Variants in TPH2 observed in about 807,000 individuals in gnomAD.
TPH2 encodes the protein tryptophan 5-hydroxylase 2.
TPH2 carries 27 observed loss-of-function variants against 59.1 expected under a neutral mutation model. That is an observed-to-expected ratio of 0.46 (90% CI 0.34 to 0.63). The LOEUF (loss-of-function observed/expected upper bound fraction) is 0.63. Among genes scored for constraint, TPH2 ranks in the 30% least tolerant of loss-of-function variants. The pLI is 0.01. For missense variants in TPH2, 523 were observed against 588.3 expected (o/e 0.89, Z 1.15); for synonymous variants, 220 against 210.5 (o/e 1.05, Z -0.39).
At chr12:71,971,360 A>G (rs901254551) in intron 5 of TPH2, among the ~76,000 whole-genome samples, 2 of 152,188 alleles carry the variant, frequency 1.3e-5, no homozygotes, top group Non-Finnish European at 2.9e-5. Flanking sequence ...CAGGGTGGGA[A>G]GTGAGGGCGT....
At chr12:71,994,058 G>A (rs1367541849) in intron 7 of TPH2, among the ~76,000 whole-genome samples, 1 of 152,166 alleles carries the variant, frequency 6.6e-6, no homozygotes, top group Non-Finnish European at 1.5e-5. Context: ...TTTGGACCAT[G>A]GCTGTTGTTT....
At chr12:71,981,461 A>G (rs546034699) in intron 7 of TPH2, among the ~76,000 whole-genome samples, 4 of 152,284 alleles carry the variant, frequency 2.6e-5, no homozygotes, top group African/African-American at 9.6e-5. Flanking sequence ...AAAACCAGCT[A>G]GGGAGCTCAC....
chr12:71,979,491 C>T (rs1293659266), intron 7 of TPH2, among the ~76,000 whole-genome samples: 2 of 152,214 alleles, frequency 1.3e-5, no homozygotes, highest in Non-Finnish European at 2.9e-5. Context: ...TACTAATCCC[C>T]TCTCATCTCT....
chr12:72,010,859 A>G (rs989558080), intron 8 of TPH2, among the ~76,000 whole-genome samples: 1 of 152,208 alleles, frequency 6.6e-6, no homozygotes, highest in African/African-American at 2.4e-5. Context: ...AGAACATTTT[A>G]GGGCATGCCA....
chr12:71,954,681 A>G (rs1207066821), intron 5 of TPH2, among the ~76,000 whole-genome samples: 1 of 152,194 alleles, frequency 6.6e-6, no homozygotes, highest in Non-Finnish European at 1.5e-5. Context: ...GAATCTCAGC[A>G]TTAACATTGC....
chr12:71,999,154 A>G (rs1212833094), intron 8 of TPH2, among the ~76,000 whole-genome samples: 1 of 152,218 alleles, frequency 6.6e-6, no homozygotes. Flanking sequence ...CCGAGGTACT[A>G]GACTATATTG....
rs1280958204 is a variant in TPH2, at chr12:72,014,513, C to T, written c.1069-7886C>T. The stretch of plus-strand genomic sequence containing the variant: ...TCAAGTGATTCTCCTGCCTCAGCCT[C>T]CAGAGTAGCTGGGATTACAGGCGCC... On this transcript the variant is annotated intron_variant, in intron 8 of 10. Transcript: ENST00000333850. Among the ~76,000 whole-genome samples, 3 of 151,590 alleles carry T rather than the reference C, an allele frequency of 2.0e-5. No individual in the cohort carries two copies. The East Asian group carries it at 5.8e-4, about 29-fold the overall frequency.
At chr12:71,992,840 A>G (rs1366191642) in intron 7 of TPH2, among the ~76,000 whole-genome samples, 1 of 152,030 alleles carries the variant, frequency 6.6e-6, no homozygotes, top group African/African-American at 2.4e-5. Context: ...TCTCTTCTTT[A>G]TTTTTCATTT....
At chr12:71,972,051 G>C (rs1489258745) in intron 5 of TPH2, among the ~76,000 whole-genome samples, 1 of 152,178 alleles carries the variant, frequency 6.6e-6, no homozygotes, top group Non-Finnish European at 1.5e-5. Flanking sequence ...TTTGGACACT[G>C]AACAAATAAT....
intron 7 of TPH2, among the ~76,000 whole-genome samples, chr12:71,991,175 A>G (rs1223349321): frequency 6.6e-6 from 1 of 152,104 alleles, no homozygotes; most frequent in Non-Finnish European, 1.5e-5. Context: ...ATGTCTTTGG[A>G]TCTCTAGTAT....
intron 7 of TPH2, among the ~76,000 whole-genome samples, chr12:71,988,478 C>T (rs1411860925): frequency 6.6e-6 from 1 of 152,174 alleles, no homozygotes; most frequent in African/African-American, 2.4e-5. Flanking sequence ...GAACACTTCA[C>T]ATGGCGAAGG....
rs1233881192 is a variant in TPH2 at position 71,980,385 on chromosome 12, TTAAG to T, written c.941+1301_941+1304del. 1.3e-4 allele frequency among the ~76,000 whole-genome samples: 20 copies of T among 152,180 alleles called. 1 individual carries two copies. The highest frequency in any genetic ancestry group is 2.5e-4 in the Non-Finnish European group (17 of 68,004). ...AGAGAAGCTTTTGAGGTTCAAGCAG[TTAAG>T]TAGCTGATGGTAGTAGGAGTGAGCA... On this transcript the variant is annotated intron_variant, in intron 7 of 10. Transcript: ENST00000333850.
At chr12:71,966,163 A>G (rs1339342254) in intron 5 of TPH2, among the ~76,000 whole-genome samples, 1 of 152,158 alleles carries the variant, frequency 6.6e-6, no homozygotes, top group Non-Finnish European at 1.5e-5. Flanking sequence ...TGAGGAGTGC[A>G]ACAAAGGCAT....
intron 7 of TPH2, among the ~76,000 whole-genome samples, chr12:71,984,870 G>A (rs1012872619): frequency 7.2e-5 from 11 of 152,182 alleles, no homozygotes; most frequent in African/African-American, 1.4e-4. Flanking sequence ...GGAGAAGTCC[G>A]GTTTGGGCTA....
rs1254626751 is a variant in TPH2, at chr12:71,947,563, C to A, written c.541-2025C>A. 2.2e-4 allele frequency among the ~76,000 whole-genome samples: 33 copies of A among 151,470 alleles called. No individual in the cohort carries two copies. The Admixed American group carries it at 2.2e-3, about 10-fold the overall frequency. ...ATGCAATACTTGGAACATATTTATA[C>A]TAAAAAGATTATTTGTTGTTTATCT... On this transcript the variant is annotated intron_variant, in intron 4 of 10. Coordinates refer to ENST00000333850, the MANE Select transcript of TPH2 (RefSeq NM_173353.4).
intron 4 of TPH2, among the ~76,000 whole-genome samples, chr12:71,948,205 T>G (rs1871249287): frequency 6.6e-6 from 1 of 151,972 alleles, no homozygotes; most frequent in South Asian, 2.1e-4. Context: ...TACCCAAACT[T>G]CAAGGACTGT....
In TPH2 at chr12:71,939,052, A is replaced by G; in HGVS notation, c.66A>G (p.Ser22=). 1 of 1,614,178 alleles carries G rather than the reference A, an allele frequency of 6.2e-7. No individual in the cohort carries two copies. ...YWARRGFSLD[S]AVPEEHQLLG... is the part of the protein sequence containing the mutation. Reference sequence around the variant, plus strand: ...CACGGAGAGGGTTTTCCCTGGATTCAGCAGTGCCCGAAGAGCATCAGCTAC... The same window carrying G: ...CACGGAGAGGGTTTTCCCTGGATTCGGCAGTGCCCGAAGAGCATCAGCTAC... Residue 22 remains serine, a synonymous_variant, in exon 1 of 11, where the codon TCA becomes TCG. Coordinates refer to ENST00000333850, the MANE Select transcript of TPH2 (RefSeq NM_173353.4).
chr12:71,990,482 CTT>C (rs1872555873), intron 7 of TPH2, among the ~76,000 whole-genome samples: 1 of 152,200 alleles, frequency 6.6e-6, no homozygotes, highest in Non-Finnish European at 1.5e-5. Flanking sequence ...GTGGAGGTGA[CTT>C]CAGCTTCTAA....
chr12:71,990,432 C>T (rs899394622), intron 7 of TPH2, among the ~76,000 whole-genome samples: 1 of 152,222 alleles, frequency 6.6e-6, no homozygotes, highest in African/African-American at 2.4e-5. Context: ...CATTCTCCCT[C>T]AGACTCCCCA....
Sources: allele counts gnomAD v4.1 joint callset (sites outside exome capture counted in the v4.1 genomes callset), GRCh38; gene constraint gnomAD v4.1.1; transcripts MANE v1.5; gene names NCBI Gene and HGNC (gene_info 2026-07-23, HGNC 2026-07-21).